LYPD8: variants seen among roughly 807,000 people sequenced by gnomAD.
LYPD8 encodes the protein LY6/PLAUR domain containing 8.
In LYPD8, 8 loss-of-function variants were observed where a neutral mutation model predicts 1.7. That is an observed-to-expected ratio of 4.58 (90% CI 2.69 to 8.27). The LOEUF is 8.27. Among genes scored for constraint, LYPD8 ranks in the 30% most tolerant of loss-of-function variants. LYPD8 has a pLI of 0.00. For synonymous variants in LYPD8, 50 were observed against 43.6 expected (o/e 1.15, Z -0.58); for missense variants, 112 against 102.3 (o/e 1.09, Z -0.41).
chr1:248,752,865 ACACCACACACCCC>A (rs1662836895), intron 2 of LYPD8, among the ~76,000 whole-genome samples: 1 of 96,332 alleles, frequency 1.0e-5, no homozygotes, highest in Non-Finnish European at 2.0e-5. Context: ...CACCACACAC[ACACCACACACCCC>A]ACACAACACA....
rs1553283077 is a variant in LYPD8, at chr1:248,739,738, A to G, written c.587T>C (p.Phe196Ser). The G allele has an allele frequency of 1.9e-6, 3 of 1,551,370 alleles. No homozygotes were observed. Among genetic ancestry groups the G allele is most frequent in the South Asian group, 1.2e-5 (1 of 84,066 alleles). Reference sequence around the variant, plus strand: ...TAAGCTGTTTACATTTGCACACTCAAACTTTCGAAAGATGACTCCTCCAAG... The same window carrying G: ...TAAGCTGTTTACATTTGCACACTCAGACTTTCGAAAGATGACTCCTCCAAG... ...KTLGGVIFRK[F>S]ECANVNSLTP... Residue 196 changes from phenylalanine to serine, a missense_variant, in exon 7 of 7, where the codon TTT (phenylalanine) becomes TCT (serine). By Grantham distance (155) the Phe-to-Ser change is radical. Transcript: ENST00000590317. This position sits in a 1 kb window ranked among gnomAD's most constrained non-coding sequence, Gnocchi z 4.3.
In LYPD8 at chr1:248,739,466, C is replaced by T. The variant is rs990915215; in HGVS notation, c.*145G>A. The T allele has an allele frequency of 3.1e-5, 33 of 1,076,566 alleles. 1 individual carries two copies. The highest frequency in any genetic ancestry group is 2.6e-4 in the East Asian group (10 of 38,618). 66.7% of individuals were successfully genotyped at this position (1,076,566 alleles called of 1,614,324 possible). A position where few individuals can be genotyped will look rare whatever the true frequency, so the allele number is the denominator to read the frequency against. ...TAATAATGAAGAACAAGGCAGCTGT[C>T]GGCATTGCCTGGAGACCTGTGACTC... is the stretch of plus-strand genomic sequence containing the variant. On this transcript the variant is annotated 3_prime_UTR_variant, in exon 7 of 7. Coordinates refer to ENST00000590317, the MANE Select transcript of LYPD8 (RefSeq NM_001085474.2). The surrounding 1 kb of genome is among the most constrained non-coding windows in gnomAD (Gnocchi z 4.3).
chr1:248,753,687 C>G (rs1326278041), intron 2 of LYPD8, among the ~76,000 whole-genome samples: 3,138 of 113,408 alleles, frequency 0.028, 358 homozygotes, highest in East Asian at 0.11. Flanking sequence ...CACACCACAT[C>G]ACACACACAC....
Position 248,739,761 on chromosome 1 carries a change from A to G in LYPD8, c.564T>C (p.Leu188=). Reference sequence around the variant, plus strand: ...CAAACTTTCGAAAGATGACTCCTCCAAGAGTCTTGTTTTCACCAGACAGGA... The same window carrying G: ...CAAACTTTCGAAAGATGACTCCTCCGAGAGTCTTGTTTTCACCAGACAGGA... The part of the protein sequence containing the change: ...CQFLSGENKT[L]GGVIFRKFEC... The change falls in exon 7 of 7, where the codon CTT becomes CTC. Residue 188 remains leucine (L), a synonymous_variant. Transcript: ENST00000590317. The surrounding 1 kb of genome is among the most constrained non-coding windows in gnomAD (Gnocchi z 4.3). The G allele has an allele frequency of 1.3e-6, 2 of 1,551,766 alleles. No individual in the cohort carries two copies. The highest frequency in any genetic ancestry group is 1.7e-6 in the Non-Finnish European group (2 of 1,147,000).
intron 6 of LYPD8, among the ~76,000 whole-genome samples, chr1:248,744,593 A>AATGGGTAGCGTCAAATGTGTATTTTACG (rs1662692881): frequency 7.2e-6 from 1 of 138,346 alleles, no homozygotes. Context: ...TGGATCTCAC[A>AATGGGTAGCGTCAAATGTGTATTTTACG]ATGGGTAGCG....
chr1:248,740,041 CCCTGGAGGTCAGAGG>C (rs1206631777), intron 6 of LYPD8, 192 bp from the exon 7 acceptor site: 15 of 212,354 alleles, frequency 7.1e-5, no homozygotes, highest in Non-Finnish European at 1.1e-4. Flanking sequence ...GGTAGAGAGA[CCCTGGAGGTCAGAGG>C]CCTAGACTCC....
At position 248,739,997 on chromosome 1, in the gene LYPD8, T is replaced by A. The variant is rs1274491092; in HGVS notation, c.476-148A>T. 2 of 1,024,096 alleles carry A rather than the reference T, an allele frequency of 2.0e-6. 1 individual carries two copies. The highest frequency in any genetic ancestry group is 3.2e-5 in the South Asian group (2 of 62,336). The allele number at this position is 1,024,096 out of a possible 1,614,324, so 63.4% of individuals were successfully genotyped here. A position where few individuals can be genotyped will look rare whatever the true frequency, so the allele number is the denominator to read the frequency against. On this transcript the variant is annotated intron_variant, in intron 6 of 6. Transcript: ENST00000590317. The surrounding 1 kb of genome is among the most constrained non-coding windows in gnomAD (Gnocchi z 4.3). ...GAAGCCCAGGCAGGAAGAAGGAGCC[T>A]GCGTGTTCAGAGTCAAGAACACCAC...
At chr1:248,753,194 TCACACCC>T (rs1662853325) in intron 2 of LYPD8, among the ~76,000 whole-genome samples, 1 of 22,420 alleles carries the variant, frequency 4.5e-5, no homozygotes, top group African/African-American at 1.8e-4. Flanking sequence ...ACACACCACA[TCACACCC>T]CACACAACAC....
chr1:248,755,246 A>G lies in LYPD8; in HGVS notation c.-57T>C, dbSNP rs1392619601. The G allele has an allele frequency of 6.6e-6, 1 of 152,292 alleles. No individual in the cohort carries two copies. The highest frequency in any genetic ancestry group is 1.9e-4 in the East Asian group (1 of 5,186). The allele number at this position is 152,292 out of a possible 1,614,324, so 9.4% of individuals were successfully genotyped here. On this transcript the variant is annotated 5_prime_UTR_variant, in exon 2 of 7. It removes an upstream start codon present in the reference 5' UTR. Transcript: ENST00000590317. The stretch of plus-strand genomic sequence containing the variant: ...TCAAGGCAGGGCCCCCACCTGGGAC[A>G]TGAGAAGAAGTGGCATCTTAGGCCG...
intron 5 of LYPD8, among the ~76,000 whole-genome samples, chr1:248,746,344 A>G (rs1662725685): frequency 6.6e-6 from 1 of 152,186 alleles, no homozygotes; most frequent in African/African-American, 2.4e-5. Context: ...ACAACTTGCA[A>G]TGTCTGTCTT....
At position 248,739,866 on chromosome 1, in the gene LYPD8, G is replaced by T. The variant is rs1341527378; in HGVS notation, c.476-17C>A. The T allele has an allele frequency of 1.3e-6, 2 of 1,551,360 alleles. No homozygotes were observed. Among genetic ancestry groups the T allele is most frequent in the African/African-American group, 2.7e-5 (2 of 73,066 alleles). On this transcript the variant is annotated splice_polypyrimidine_tract_variant and intron_variant, in intron 6 of 6. Transcript: ENST00000590317. This position sits in a 1 kb window ranked among gnomAD's most constrained non-coding sequence, Gnocchi z 4.3. Reference sequence around the variant, plus strand: ...ACTCAATGTCTGTGAATGCAAAGGAGACAGGAGGGACGCCACTCAGTCCTT... The same window carrying T: ...ACTCAATGTCTGTGAATGCAAAGGATACAGGAGGGACGCCACTCAGTCCTT...
chr1:248,751,277 G>T (rs1056032974), intron 2 of LYPD8, 147 bp from the exon 3 acceptor site: 15 of 394,316 alleles, frequency 3.8e-5, no homozygotes, highest in African/African-American at 2.7e-4. Flanking sequence ...GCACAAAGCT[G>T]ATTCCACCCT....
chr1:248,750,772 G>A (rs1418400787), intron 3 of LYPD8, 129 bp from the exon 4 acceptor site: 1 of 397,616 alleles, frequency 2.5e-6, no homozygotes, highest in African/African-American at 2.1e-5. Context: ...TGCCCTCTGG[G>A]GATACCTGAA....
intron 2 of LYPD8, among the ~76,000 whole-genome samples, chr1:248,752,783 ACCAC>A (rs1662829865): frequency 2.2e-5 from 2 of 89,772 alleles, no homozygotes; most frequent in African/African-American, 4.5e-5. Context: ...CACAACACAC[ACCAC>A]ACACACACCA....
intron 6 of LYPD8, among the ~76,000 whole-genome samples, chr1:248,743,398 G>C (rs1450774950): frequency 2.0e-5 from 3 of 152,140 alleles, no homozygotes; most frequent in Non-Finnish European, 4.4e-5. Context: ...CCAGGAGACG[G>C]AGGTTGCAGT....
chr1:248,744,453 G>C (rs566752404), intron 6 of LYPD8, among the ~76,000 whole-genome samples: 1 of 152,318 alleles, frequency 6.6e-6, no homozygotes, highest in Admixed American at 6.5e-5. Flanking sequence ...TTAACTGTTT[G>C]GGCAAATGTT....
rs782349490 is a variant in LYPD8 at position 248,739,745 on chromosome 1, G to A, written c.580C>T (p.Arg194Ter). The A allele has an allele frequency of 2.0e-5, 31 of 1,551,600 alleles. No homozygotes were observed. Among genetic ancestry groups the A allele is most frequent in the East Asian group, 4.9e-5 (2 of 40,924 alleles). ...ENKTLGGVIF[R>*]KFECANVNSL... ...TTTACATTTGCACACTCAAACTTTC[G>A]AAAGATGACTCCTCCAAGAGTCTTG... Residue 194 changes from arginine to a stop codon, truncating the protein, a stop_gained, in exon 7 of 7, where the codon CGA (arginine) becomes TGA (stop). Coordinates refer to ENST00000590317, the MANE Select transcript of LYPD8 (RefSeq NM_001085474.2). LOFTEE classifies it low-confidence loss of function (END_TRUNC). The surrounding 1 kb of genome is among the most constrained non-coding windows in gnomAD (Gnocchi z 4.3).
intron 6 of LYPD8, 176 bp from the exon 7 acceptor site, chr1:248,740,025 G>A (rs1001002655): frequency 1.5e-5 from 4 of 263,474 alleles, no homozygotes; most frequent in South Asian, 1.4e-4. Context: ...AACACCACGC[G>A]GTAATGGTAG....
chr1:248,752,755 C>T (rs2103172502), intron 2 of LYPD8, among the ~76,000 whole-genome samples: 1 of 124,472 alleles, frequency 8.0e-6, no homozygotes. Flanking sequence ...ACACACCCCA[C>T]ACACACCACA....
Sources: gnomAD v4.1 joint callset for allele counts (sites outside exome capture counted in the v4.1 genomes callset) on GRCh38, gnomAD v4.1.1 for gene constraint, Gnocchi (gnomAD v3.1) non-coding constraint, MANE v1.5 for transcripts, NCBI Gene and HGNC (gene_info 2026-07-23, HGNC 2026-07-21) for gene names.